ASAP2: variants seen among roughly 807,000 people sequenced by gnomAD.
The protein encoded by ASAP2 is ArfGAP with SH3 domain, ankyrin repeat and PH domain 2, also known as arf-GAP with SH3 domain, ANK repeat and PH domain-containing protein 2.
ASAP2 carries 45 observed loss-of-function variants against 131.4 expected under a neutral mutation model. The ratio of observed to expected loss-of-function variants is 0.34; its 90% CI spans 0.27 to 0.44. The LOEUF (loss-of-function observed/expected upper bound fraction) is 0.44, where lower values mean the gene tolerates loss of function less well. ASAP2 is among the 20% of genes least tolerant of loss of function. ASAP2 has a pLI of 1.00. For missense variants in ASAP2, 1,011 were observed against 1,297.0 expected, an observed-to-expected ratio of 0.78 and a Z score of 3.39; for synonymous variants, 510 against 503.0, an observed-to-expected ratio of 1.01 and a Z score of -0.19.
chr2:9,255,725 G>T (rs1420046979), intron 1 of ASAP2, among the ~76,000 whole-genome samples: 2 of 152,212 alleles, frequency 1.3e-5, no homozygotes, highest in Non-Finnish European at 2.9e-5. Flanking sequence ...TTCTTCAGGG[G>T]TCTGCTTGAC....
chr2:9,273,228 A>G lies in ASAP2; in HGVS notation c.127-6089A>G, dbSNP rs140323308. On this transcript the variant is annotated intron_variant, in intron 1 of 27. Coordinates refer to ENST00000281419, the MANE Select transcript of ASAP2 (RefSeq NM_003887.3). ...GGTGTCCTCTTCAATTTCTTACATC[A>G]TCGTTTTATAGTTTTCGCTGTAGAG... is the stretch of plus-strand genomic sequence containing the variant. Among the ~76,000 whole-genome samples the G allele has an allele frequency of 4.4e-4, 67 of 152,160 alleles. No individual in the cohort carries two copies. In the East Asian group the frequency reaches 8.9e-3, roughly 20 times the overall value.
intron 1 of ASAP2, among the ~76,000 whole-genome samples, chr2:9,208,663 A>G (rs150421722): frequency 1.3e-5 from 2 of 152,310 alleles, no homozygotes; most frequent in African/African-American, 4.8e-5. Context: ...GATTCCCCAG[A>G]TCACTTAATT....
At chr2:9,307,611 C>A (rs546468351) in intron 3 of ASAP2, among the ~76,000 whole-genome samples, 1 of 152,136 alleles carries the variant, frequency 6.6e-6, no homozygotes, top group African/African-American at 2.4e-5. Context: ...CAAGCTTATC[C>A]TTTATTCTAG....
intron 1 of ASAP2, among the ~76,000 whole-genome samples, chr2:9,253,508 C>T (rs1401291671): frequency 1.3e-5 from 2 of 152,150 alleles, no homozygotes; most frequent in Non-Finnish European, 2.9e-5. Context: ...TTTGTGAAAT[C>T]GTCTAAGCAC....
intron 3 of ASAP2, among the ~76,000 whole-genome samples, chr2:9,306,841 A>G (rs903530959): frequency 6.6e-6 from 1 of 152,130 alleles, no homozygotes; most frequent in African/African-American, 2.4e-5. Context: ...TCCAGCTTAG[A>G]AGGCATGTGG....
intron 9 of ASAP2, among the ~76,000 whole-genome samples, chr2:9,338,143 C>G (rs1558344318): frequency 6.6e-6 from 1 of 152,216 alleles, no homozygotes; most frequent in African/African-American, 2.4e-5. Flanking sequence ...AGCCTCATCA[C>G]TTGTGTGCAG....
At chr2:9,233,102 T>C (rs1663281431) in intron 1 of ASAP2, among the ~76,000 whole-genome samples, 1 of 152,200 alleles carries the variant, frequency 6.6e-6, no homozygotes, top group Non-Finnish European at 1.5e-5. Flanking sequence ...GGTAGAGAGA[T>C]ACAGAGATAC....
chr2:9,240,697 T>G (rs1328641035), intron 1 of ASAP2, among the ~76,000 whole-genome samples: 2 of 152,214 alleles, frequency 1.3e-5, no homozygotes, highest in African/African-American at 4.8e-5. Flanking sequence ...CACTTTTCCC[T>G]TAGATCTTAG....
chr2:9,315,669 G>A (rs1260987931), intron 3 of ASAP2, among the ~76,000 whole-genome samples: 3 of 152,146 alleles, frequency 2.0e-5, no homozygotes, highest in African/African-American at 4.8e-5. Context: ...GACTGTCAAT[G>A]ACAGTGGAAA....
chr2:9,258,021 A>G (rs1363315151), intron 1 of ASAP2, among the ~76,000 whole-genome samples: 4 of 152,204 alleles, frequency 2.6e-5, no homozygotes, highest in Non-Finnish European at 1.5e-5. Context: ...AGTGCTGTGC[A>G]GTTGGAAGCC....
intron 9 of ASAP2, among the ~76,000 whole-genome samples, chr2:9,338,365 T>C (rs868393655): frequency 5.5e-4 from 81 of 148,618 alleles, no homozygotes; most frequent in African/African-American, 2.0e-3. Flanking sequence ...CTCTCTCTCT[T>C]TCTCTTGCTC....
At chr2:9,265,798 G>A (rs1217100720) in intron 1 of ASAP2, among the ~76,000 whole-genome samples, 2 of 152,036 alleles carry the variant, frequency 1.3e-5, no homozygotes, top group Admixed American at 1.3e-4. Flanking sequence ...TTGAGACGGA[G>A]TTTCACTCTT....
chr2:9,246,373 G>C (rs914211255), intron 1 of ASAP2, among the ~76,000 whole-genome samples: 10 of 152,104 alleles, frequency 6.6e-5, no homozygotes. Context: ...CTGCAGCCTC[G>C]ACCTCCTGGA....
intron 1 of ASAP2, among the ~76,000 whole-genome samples, chr2:9,250,919 A>T (rs1165370760): frequency 6.6e-6 from 1 of 152,236 alleles, no homozygotes; most frequent in Non-Finnish European, 1.5e-5. Context: ...GGGAACTTAA[A>T]ACAGTGAACT....
intron 9 of ASAP2, among the ~76,000 whole-genome samples, chr2:9,343,737 G>A (rs544371631): frequency 4.6e-5 from 7 of 152,216 alleles, no homozygotes; most frequent in African/African-American, 7.2e-5. Context: ...ATAAGCCACT[G>A]CGCCCAGCCT....
At chr2:9,307,855 C>G (rs993041046) in intron 3 of ASAP2, among the ~76,000 whole-genome samples, 1 of 152,194 alleles carries the variant, frequency 6.6e-6, no homozygotes, top group East Asian at 1.9e-4. Flanking sequence ...AATTAAACAG[C>G]GACTGTGCTG....
chr2:9,268,106 T>C lies in ASAP2; in HGVS notation c.127-11211T>C, dbSNP rs1362104670. ...ATTTAGTTTGGCCTGTTTTTGAACT[T>C]TTTATACTGCATGTATTCTTTTGCT... On this transcript the variant is annotated intron_variant, in intron 1 of 27. Transcript: ENST00000281419. This position sits in a 1 kb window ranked among gnomAD's most constrained non-coding sequence, Gnocchi z 4.1. 6.6e-6 allele frequency among the ~76,000 whole-genome samples: 1 copy of C among 152,166 alleles called. No individual in the cohort carries two copies.
At chr2:9,369,000 A>G (rs895685991) in intron 16 of ASAP2, among the ~76,000 whole-genome samples, 1 of 150,330 alleles carries the variant, frequency 6.7e-6, no homozygotes, top group Non-Finnish European at 1.5e-5. Flanking sequence ...TTGTTGATAC[A>G]CAACTTGACG....
Position 9,400,674 on chromosome 2 carries a change from G to C in ASAP2, c.2735-68G>C, listed in dbSNP as rs1249779394. The stretch of plus-strand genomic sequence containing the variant: ...TGCTTTCAGACACACCCTGTGGCTT[G>C]TACATTGTTTACATCTCATGGCTGT... On this transcript the variant is annotated intron_variant, in intron 25 of 27. Coordinates refer to ENST00000281419, the MANE Select transcript of ASAP2 (RefSeq NM_003887.3). 13 of 1,395,498 alleles carry C rather than the reference G, an allele frequency of 9.3e-6. No individual in the cohort carries two copies. In the Middle Eastern group the frequency reaches 1.1e-3, roughly 114 times the overall value. The allele number at this position is 1,395,498 out of a possible 1,614,324, so 86.4% of individuals were successfully genotyped here.
Sources: gnomAD v4.1 joint callset for allele counts (sites outside exome capture counted in the v4.1 genomes callset) on GRCh38, gnomAD v4.1.1 for gene constraint, Gnocchi (gnomAD v3.1) non-coding constraint, MANE v1.5 for transcripts, NCBI Gene and HGNC (gene_info 2026-07-23, HGNC 2026-07-21) for gene names.